Variants in ZNF420 observed in about 807,000 individuals in gnomAD.
The protein encoded by ZNF420 is zinc finger protein 420, also known as ATM and p53-associated KZNF protein.
A neutral mutation model predicts 44.7 loss-of-function variants in ZNF420; 31 were observed. The ratio of observed to expected loss-of-function variants is 0.69; its 90% CI spans 0.52 to 0.94. The LOEUF is 0.94. Among genes scored for constraint, ZNF420 ranks in the 40% least tolerant of loss-of-function variants. ZNF420 has a pLI of 0.00. For synonymous variants in ZNF420, 245 were observed against 267.4 expected (o/e 0.92, Z 0.82); for missense variants, 681 against 827.9 (o/e 0.82, Z 2.18).
chr19:37,017,827 C>CA (rs201609158), intron 1 of ZNF420, among the ~76,000 whole-genome samples: 19 of 149,892 alleles, frequency 1.3e-4, no homozygotes, highest in Admixed American at 3.3e-4. Context: ...AGAAATGTGG[C>CA]AAAAAAAACA....
chr19:37,087,225 C>T (rs1968839026), intron 2 of ZNF420, among the ~76,000 whole-genome samples: 1 of 149,388 alleles, frequency 6.7e-6, no homozygotes, highest in African/African-American at 2.5e-5. Context: ...TTCAAGGTTA[C>T]AGTAAGCTAT....
chr19:37,062,342 T>C (rs1440149782), intron 1 of ZNF420, among the ~76,000 whole-genome samples: 5 of 152,330 alleles, frequency 3.3e-5, no homozygotes, highest in South Asian at 4.1e-4. Context: ...ATCTCATTTT[T>C]TGAGACCAGA....
chr19:37,049,602 G>A (rs1450577813), intron 1 of ZNF420, among the ~76,000 whole-genome samples: 2 of 152,138 alleles, frequency 1.3e-5, no homozygotes, highest in Admixed American at 6.5e-5. Context: ...GTTCATTGTA[G>A]ATTCTGGATA....
intron 4 of ZNF420, among the ~76,000 whole-genome samples, chr19:37,126,031 G>A (rs907346740): frequency 5.3e-5 from 8 of 152,116 alleles, no homozygotes; most frequent in Admixed American, 2.0e-4. Flanking sequence ...TTCTCTAAGT[G>A]GAAATGTGGA....
intron 1 of ZNF420, among the ~76,000 whole-genome samples, chr19:37,058,048 T>C (rs60765291): frequency 0.013 from 1,997 of 152,276 alleles, 47 homozygotes; most frequent in African/African-American, 0.045. Context: ...GGATCTGGCC[T>C]CTGCTCTGTC....
intron 1 of ZNF420, among the ~76,000 whole-genome samples, chr19:37,017,918 A>G (rs2074619386): frequency 6.6e-6 from 1 of 152,310 alleles, no homozygotes; most frequent in Non-Finnish European, 1.5e-5. Flanking sequence ...AAAAAACCCA[A>G]AAGACTCCAT....
chr19:37,045,568 TAGA>T (rs1178559860), intron 1 of ZNF420, among the ~76,000 whole-genome samples: 23 of 152,230 alleles, frequency 1.5e-4, no homozygotes, highest in Non-Finnish European at 2.5e-4. Context: ...AGAGGCAGTA[TAGA>T]AGGATTGTTT....
At chr19:37,009,563 G>A (rs890575434) in intron 1 of ZNF420, among the ~76,000 whole-genome samples, 8 of 152,162 alleles carry the variant, frequency 5.3e-5, no homozygotes, top group African/African-American at 1.9e-4. Context: ...ACTCACCCCT[G>A]TTCTTGTTTG....
At chr19:37,118,305 G>A (rs928404262) in intron 4 of ZNF420, among the ~76,000 whole-genome samples, 10 of 152,134 alleles carry the variant, frequency 6.6e-5, no homozygotes, top group African/African-American at 2.4e-4. Flanking sequence ...CAGAAGAGAA[G>A]GGGGGCCAAT....
At position 37,124,595 on chromosome 19, in the gene ZNF420, A is replaced by T. The variant is rs796352772; in HGVS notation, c.137-2533A>T. ...GAGAATTTTTGTGTTCTGTTTCTTG[A>T]TCTGTATTTCTAACTGAAATATTCT... On this transcript the variant is annotated intron_variant, in intron 4 of 4. Transcript: ENST00000337995. Among the ~76,000 whole-genome samples the T allele has an allele frequency of 2.6e-5, 4 of 152,132 alleles. No homozygotes were observed. In the East Asian group the frequency reaches 7.7e-4, roughly 29 times the overall value.
chr19:37,092,337 A>C (rs1186515705), intron 4 of ZNF420: 1 of 151,924 alleles, frequency 6.6e-6, no homozygotes, highest in African/African-American at 2.4e-5. Context: ...GTTGGTTTTT[A>C]TTATCATTCT....
intron 1 of ZNF420, among the ~76,000 whole-genome samples, chr19:37,026,054 C>T (rs1967152273): frequency 6.6e-6 from 1 of 152,070 alleles, no homozygotes. Context: ...GTGGCTCATG[C>T]CTGTAATCCA....
At chr19:37,023,404 C>T (rs879434729) in intron 1 of ZNF420, among the ~76,000 whole-genome samples, 3 of 151,842 alleles carry the variant, frequency 2.0e-5, no homozygotes, top group Non-Finnish European at 4.4e-5. Context: ...CTTGCTCTGT[C>T]GCCCGTGCTG....
At chr19:37,035,581 G>A (rs1272383180) in intron 1 of ZNF420, among the ~76,000 whole-genome samples, 3 of 152,116 alleles carry the variant, frequency 2.0e-5, no homozygotes, top group Non-Finnish European at 4.4e-5. Flanking sequence ...AGAAAACATT[G>A]AACTTCATAT....
rs1296730494 is a variant in ZNF420 at position 37,094,326 on chromosome 19, A to T, written c.136+3205A>T. Among the ~76,000 whole-genome samples, 3 of 152,072 alleles carry T rather than the reference A, an allele frequency of 2.0e-5. No homozygotes were observed. The East Asian group carries it at 5.8e-4, about 29-fold the overall frequency. On this transcript the variant is annotated intron_variant, in intron 4 of 4. Coordinates refer to ENST00000337995, the MANE Select transcript of ZNF420 (RefSeq NM_144689.5). ...CTCCCTCCTTAATGAGGGTGGATAC[A>T]ATCGTGTTTTATTTTTTGCAACTCC...
intron 4 of ZNF420, chr19:37,107,213 C>T (rs1753866524): frequency 6.6e-6 from 1 of 152,102 alleles, no homozygotes; most frequent in South Asian, 2.1e-4. Context: ...ACAGTCAGGT[C>T]TTACCCTTCC....
chr19:37,124,710 A>G (rs1485775960), intron 4 of ZNF420, among the ~76,000 whole-genome samples: 1 of 151,714 alleles, frequency 6.6e-6, no homozygotes, highest in African/African-American at 2.4e-5. Flanking sequence ...TCTGTTGCCC[A>G]GGCTGGCTTG....
chr19:37,097,019 C>T (rs1443909461), intron 4 of ZNF420, among the ~76,000 whole-genome samples: 1 of 151,872 alleles, frequency 6.6e-6, no homozygotes, highest in Non-Finnish European at 1.5e-5. Context: ...CTGCCTCAGC[C>T]TCCCAAGTAG....
intron 1 of ZNF420, among the ~76,000 whole-genome samples, chr19:37,024,730 G>A (rs988688098): frequency 4.6e-5 from 7 of 151,988 alleles, no homozygotes; most frequent in Admixed American, 1.3e-4. Context: ...AATGACAGGC[G>A]TGAGCCACCA....
Sources: gnomAD v4.1 joint callset for allele counts (sites outside exome capture counted in the v4.1 genomes callset) on GRCh38, gnomAD v4.1.1 for gene constraint, MANE v1.5 for transcripts, NCBI Gene and HGNC (gene_info 2026-07-23, HGNC 2026-07-21) for gene names.